BCL2: variants seen among roughly 807,000 people sequenced by gnomAD.
BCL2 encodes BCL2 apoptosis regulator.
A neutral mutation model predicts 14.2 loss-of-function variants in BCL2; 1 was observed. That is an observed-to-expected ratio of 0.07 (90% CI 0.02 to 0.33). BCL2 has a LOEUF of 0.33. Among genes scored for constraint, BCL2 ranks in the 10% least tolerant of loss-of-function variants. The pLI, the probability that BCL2 is intolerant of heterozygous loss-of-function variation, is 0.99. For synonymous variants in BCL2, 151 were observed against 137.2 expected (o/e 1.10, Z -0.70); for missense variants, 247 against 305.9 (o/e 0.81, Z 1.44).
At chr18:63,231,145 C>A (rs1390562995) in intron 2 of BCL2, among the ~76,000 whole-genome samples, 1 of 151,866 alleles carries the variant, frequency 6.6e-6, no homozygotes. Context: ...ACCATATAAT[C>A]ATCTCAATAG....
At chr18:63,256,122 A>G (rs1007391405) in intron 2 of BCL2, among the ~76,000 whole-genome samples, 41 of 152,226 alleles carry the variant, frequency 2.7e-4, no homozygotes, top group Admixed American at 1.8e-3. Context: ...GAAGATTAGA[A>G]AAATGGTGTC....
chr18:63,290,559 C>T (rs1912618106), intron 2 of BCL2, among the ~76,000 whole-genome samples: 1 of 152,174 alleles, frequency 6.6e-6, no homozygotes, highest in Admixed American at 6.5e-5. Context: ...AACACCTTAA[C>T]ACTCCATTCA....
chr18:63,172,820 C>T (rs978003263), intron 2 of BCL2, among the ~76,000 whole-genome samples: 3 of 152,076 alleles, frequency 2.0e-5, no homozygotes, highest in Admixed American at 1.3e-4. Flanking sequence ...GAATTCCCAT[C>T]TAAATGACCA....
In BCL2 at chr18:63,127,798, T is replaced by TG. The variant is rs1447483322; in HGVS notation, c.*826dup. 2.2e-5 allele frequency: 5 copies of TG among 225,862 alleles called. No homozygotes were observed. Among genetic ancestry groups the TG allele is most frequent in the East Asian group, 1.9e-4 (3 of 15,666 alleles). 14.0% of individuals were successfully genotyped at this position (225,862 alleles called of 1,614,324 possible). Reference sequence around the variant, plus strand: ...CTCAGACAGAGCCAGTATTGGGAGTTGGGGGGTGCGTATCCAAAATATATG... The same window carrying TG: ...CTCAGACAGAGCCAGTATTGGGAGTTGGGGGGGTGCGTATCCAAAATATATG... On this transcript the variant is annotated 3_prime_UTR_variant, in exon 3 of 3. Transcript: ENST00000333681.
rs766872577 is a variant in BCL2, at chr18:63,318,418, C to A, written c.249G>T (p.Gly83=). Residue 83 remains glycine (G), a synonymous_variant, in exon 2 of 3, where the codon GGG becomes GGT. Transcript: ENST00000333681. The surrounding 1 kb of genome is among the most constrained non-coding windows in gnomAD (Gnocchi z 7.4). The stretch of plus-strand genomic sequence containing the variant: ...CAGGTGGCACCGGGCTGAGCGCAGG[C>A]CCCGCGGCGGCGCCGGGGGCAGCCG... ...QTPAAPGAAA[G]PALSPVPPVV... 3.3e-6 allele frequency: 5 copies of A among 1,500,944 alleles called. No individual in the cohort carries two copies. The African/African-American group carries it at 7.3e-5, about 22-fold the overall frequency. 93.0% of individuals were successfully genotyped at this position (1,500,944 alleles called of 1,614,324 possible). A position where few individuals can be genotyped will look rare whatever the true frequency, so the allele number is the denominator to read the frequency against.
chr18:63,145,681 TG>T (rs1914494238), intron 2 of BCL2, among the ~76,000 whole-genome samples: 2 of 152,266 alleles, frequency 1.3e-5, no homozygotes, highest in African/African-American at 4.8e-5. Context: ...GGCAAGTTTG[TG>T]ATTGTTGCAG....
intron 2 of BCL2, among the ~76,000 whole-genome samples, chr18:63,272,950 C>T (rs1191036157): frequency 6.6e-6 from 1 of 150,484 alleles, no homozygotes; most frequent in African/African-American, 2.5e-5. Context: ...TTGTAGATCT[C>T]TTGGTAGTCC....
At chr18:63,284,864 C>T (rs566951164) in intron 2 of BCL2, among the ~76,000 whole-genome samples, 1 of 152,276 alleles carries the variant, frequency 6.6e-6, no homozygotes, top group East Asian at 1.9e-4. Context: ...CAGGTCAGGC[C>T]TACACAGCTC....
chr18:63,144,901 C>A (rs1366380669), intron 2 of BCL2, among the ~76,000 whole-genome samples: 1 of 152,192 alleles, frequency 6.6e-6, no homozygotes, highest in Non-Finnish European at 1.5e-5. Context: ...GGGCACTGTG[C>A]AAGGCTGGAT....
chr18:63,169,887 C>G (rs1162111399), intron 2 of BCL2, among the ~76,000 whole-genome samples: 1 of 152,120 alleles, frequency 6.6e-6, no homozygotes, highest in Non-Finnish European at 1.5e-5. Context: ...ATTTAAAATT[C>G]TTATCTCTTG....
At chr18:63,241,113 A>C (rs1240614203) in intron 2 of BCL2, among the ~76,000 whole-genome samples, 1 of 152,236 alleles carries the variant, frequency 6.6e-6, no homozygotes, top group Non-Finnish European at 1.5e-5. Flanking sequence ...TGTTCCAATA[A>C]AACTTTATTT....
chr18:63,182,390 T>G (rs550825310), intron 2 of BCL2, among the ~76,000 whole-genome samples: 1 of 152,294 alleles, frequency 6.6e-6, no homozygotes, highest in African/African-American at 2.4e-5. Flanking sequence ...GTGGTCCCAG[T>G]GCCAGTCCAG....
chr18:63,169,336 C>CTTTCTTTCTTTCTTTCTTTT lies in BCL2; in HGVS notation c.586-40578_586-40577insAAAAGAAAGAAAGAAAGAAA, dbSNP rs1555697352. ...CCTTCCTTCCTTCTTTCCTTTCCTT[C>CTTTCTTTCTTTCTTTCTTTT]CTTTCTTTCTTTCTTTCTTTCTTTC... is the stretch of plus-strand genomic sequence containing the variant. On this transcript the variant is annotated intron_variant, in intron 2 of 2. Transcript: ENST00000333681. 4.8e-5 allele frequency among the ~76,000 whole-genome samples: 3 copies of CTTTCTTTCTTTCTTTCTTTT among 62,092 alleles called. 1 individual carries two copies. Among genetic ancestry groups the CTTTCTTTCTTTCTTTCTTTT allele is most frequent in the African/African-American group, 2.4e-4 (3 of 12,326 alleles). The allele number at this position is 62,092 out of a possible 152,430, so 40.7% of individuals were successfully genotyped here.
intron 2 of BCL2, chr18:63,302,665 A>G (rs919933210): frequency 3.4e-5 from 33 of 984,738 alleles, no homozygotes; most frequent in Admixed American, 6.1e-5. Context: ...TTCAACCTAT[A>G]TATGTTTCAT....
rs57343137 is a variant in BCL2, at chr18:63,213,526, CCA to C, written c.586-84769_586-84768del. On this transcript the variant is annotated intron_variant, in intron 2 of 2. Transcript: ENST00000333681. ...GTTCAGATGAGTTGTACACATTAAA[CCA>C]CACACACACACACACATAAACACAC... Among the ~76,000 whole-genome samples the C allele has an allele frequency of 2.8e-3, 412 of 147,688 alleles. 3 individuals are homozygous for C. Among genetic ancestry groups the C allele is most frequent in the African/African-American group, 9.8e-3 (388 of 39,770 alleles).
chr18:63,250,488 GC>G (rs1258565553), intron 2 of BCL2, among the ~76,000 whole-genome samples: 1 of 152,196 alleles, frequency 6.6e-6, no homozygotes, highest in Non-Finnish European at 1.5e-5. Flanking sequence ...ATGGGCACAA[GC>G]CCAGTTAATA....
intron 2 of BCL2, among the ~76,000 whole-genome samples, chr18:63,282,527 C>A (rs1419659109): frequency 8.5e-5 from 13 of 152,112 alleles, no homozygotes; most frequent in African/African-American, 3.1e-4. Flanking sequence ...TCCTAAATGG[C>A]AGTTTGATTT....
chr18:63,249,357 G>A (rs1911239913), intron 2 of BCL2, among the ~76,000 whole-genome samples: 1 of 152,156 alleles, frequency 6.6e-6, no homozygotes, highest in Admixed American at 6.5e-5. Flanking sequence ...ATGCTTCATA[G>A]TATCATAGCA....
intron 2 of BCL2, among the ~76,000 whole-genome samples, chr18:63,164,255 G>A (rs568991723): frequency 1.3e-5 from 2 of 152,262 alleles, no homozygotes; most frequent in Non-Finnish European, 2.9e-5. Context: ...GCTTGCTCCA[G>A]AAAAATATTA....
Sources: allele counts gnomAD v4.1 joint callset (sites outside exome capture counted in the v4.1 genomes callset), GRCh38; gene constraint gnomAD v4.1.1; non-coding constraint Gnocchi (gnomAD v3.1); transcripts MANE v1.5; gene names NCBI Gene and HGNC (gene_info 2026-07-23, HGNC 2026-07-21).